Variants in STK26 observed in about 807,000 individuals in gnomAD.
The protein encoded by STK26 is serine/threonine-protein kinase 26.
A neutral mutation model predicts 34.7 loss-of-function variants in STK26; 14 were observed. The ratio of observed to expected loss-of-function variants is 0.40; its 90% CI spans 0.27 to 0.63. STK26 has a LOEUF of 0.63. Ranked by LOEUF, STK26 falls within the 30% of genes least tolerant of loss-of-function variation. The pLI is 0.38. For synonymous variants in STK26, 100 were observed against 109.8 expected (o/e 0.91, Z 0.56); for missense variants, 226 against 309.1 (o/e 0.73, Z 2.02).
In STK26 at chrX:132,062,372, T is replaced by C. The variant is rs1927081387; in HGVS notation, c.274-1061T>C. ...GTTTAACTGATGGTACTGAATGGTA[T>C]GTGTGTGTGTACACCTGTTTTAGAA... On this transcript the variant is annotated intron_variant, in intron 3 of 11. Coordinates refer to ENST00000394334, the MANE Select transcript of STK26 (RefSeq NM_016542.4). Among the ~76,000 whole-genome samples, 3 of 112,375 alleles carry C rather than the reference T, an allele frequency of 2.7e-5. No homozygotes were observed. The South Asian group carries it at 1.1e-3, about 41-fold the overall frequency.
intron 2 of STK26, among the ~76,000 whole-genome samples, chrX:132,044,066 C>G (rs1317988378): frequency 9.0e-6 from 1 of 111,454 alleles, no homozygotes; most frequent in African/African-American, 3.3e-5. Flanking sequence ...AGTCAGAAGT[C>G]AAGTTGCAAA....
At chrX:132,071,412 T>G (rs5975314) in intron 8 of STK26, among the ~76,000 whole-genome samples, 195 bp downstream of exon 8, 7,107 of 111,993 alleles carry the variant, frequency 0.063, 234 homozygotes, top group African/African-American at 0.12. Flanking sequence ...TTCTTGGAAG[T>G]GAATAGCTCT....
chrX:132,024,315 G>A (rs1935050963), intron 2 of STK26, among the ~76,000 whole-genome samples: 1 of 111,499 alleles, frequency 9.0e-6, no homozygotes, highest in Non-Finnish European at 1.9e-5. Context: ...CCCACAAGAT[G>A]ACTGTTACAT....
At chrX:132,034,526 C>T (rs1409977911) in intron 2 of STK26, among the ~76,000 whole-genome samples, 1 of 109,763 alleles carries the variant, frequency 9.1e-6, no homozygotes, top group African/African-American at 3.3e-5. Flanking sequence ...GATCTCCTGA[C>T]CTCGTGGTCC....
intron 3 of STK26, among the ~76,000 whole-genome samples, chrX:132,058,254 A>ATGTGTG (rs754196913): frequency 4.4e-4 from 45 of 103,064 alleles, no homozygotes; most frequent in African/African-American, 1.5e-3. Flanking sequence ...GTGTGTGTGT[A>ATGTGTG]TGTGTGTGTG....
intron 2 of STK26, among the ~76,000 whole-genome samples, chrX:132,038,830 C>T (rs186960108): frequency 8.9e-4 from 99 of 110,969 alleles, no homozygotes; most frequent in Non-Finnish European, 7.4e-4. Flanking sequence ...CTCATATATA[C>T]TCTAAAATAA....
Position 132,074,106 on chromosome X carries a change from T to C in STK26, c.1227-29T>C, listed in dbSNP as rs1019235499. 2.6e-6 allele frequency: 3 copies of C among 1,175,775 alleles called. No individual in the cohort carries two copies. The Admixed American group carries it at 6.7e-5, about 26-fold the overall frequency. On this transcript the variant is annotated intron_variant, in intron 11 of 11. Coordinates refer to ENST00000394334, the MANE Select transcript of STK26 (RefSeq NM_016542.4). ...AAATATAAACATGCATAGTTGTACATTGGTTTAAATTTTTTAAAAATTTTA... is the reference window on the plus strand; with the variant it reads ...AAATATAAACATGCATAGTTGTACACTGGTTTAAATTTTTTAAAAATTTTA...
intron 2 of STK26, among the ~76,000 whole-genome samples, chrX:132,044,740 G>A: frequency 1.5e-5 from 1 of 66,181 alleles, no homozygotes; most frequent in East Asian, 4.1e-4. Context: ...TATATAGAGA[G>A]ATCTATATAT....
intron 2 of STK26, among the ~76,000 whole-genome samples, chrX:132,043,476 C>A (rs1240055640): frequency 9.0e-6 from 1 of 111,310 alleles, no homozygotes; most frequent in Non-Finnish European, 1.9e-5. Context: ...CCTTTTCCCC[C>A]TTTCCAAATG....
At chrX:132,059,072 T>G (rs1926961188) in intron 3 of STK26, among the ~76,000 whole-genome samples, 1 of 112,043 alleles carries the variant, frequency 8.9e-6, no homozygotes, top group Admixed American at 9.5e-5. Context: ...TGTGTGGGTT[T>G]GTATTTTTTT....
intron 2 of STK26, among the ~76,000 whole-genome samples, chrX:132,027,564 A>C (rs1357898212): frequency 8.9e-6 from 1 of 111,902 alleles, no homozygotes; most frequent in Non-Finnish European, 1.9e-5. Flanking sequence ...GTGCATGCAC[A>C]CACACACACA....
intron 6 of STK26, 24 bp downstream of exon 6, chrX:132,068,593 GT>G (rs1927297477): frequency 8.5e-7 from 1 of 1,180,157 alleles, no homozygotes. Context: ...TGTACAAACT[GT>G]TTTGGGCTTG....
intron 8 of STK26, 122 bp from the exon 9 acceptor site, chrX:132,072,146 G>T: frequency 1.9e-6 from 1 of 523,591 alleles, no homozygotes; most frequent in Admixed American, 3.4e-5. Flanking sequence ...ATGCTTTTTT[G>T]CATCATGAGT....
chrX:132,061,603 A>G (rs1927056565), intron 3 of STK26, among the ~76,000 whole-genome samples: 1 of 111,832 alleles, frequency 8.9e-6, no homozygotes, highest in African/African-American at 3.2e-5. Context: ...TACAAATTCT[A>G]CATAGTGTCA....
intron 2 of STK26, among the ~76,000 whole-genome samples, 173 bp downstream of exon 2, chrX:132,023,832 G>T (rs1420843436): frequency 8.9e-6 from 1 of 112,350 alleles, no homozygotes; most frequent in Admixed American, 9.3e-5. Flanking sequence ...TGGTGTGTAG[G>T]CTAGGTAGTG....
intron 2 of STK26, among the ~76,000 whole-genome samples, chrX:132,029,286 T>C (rs780358071): frequency 8.9e-6 from 1 of 112,204 alleles, no homozygotes; most frequent in Admixed American, 9.4e-5. Flanking sequence ...TTTTTTATTC[T>C]GCTTTTCATA....
Position 132,030,343 on chromosome X carries a change from C to T in STK26, c.42+6684C>T, listed in dbSNP as rs749499765. Reference sequence around the variant, plus strand: ...TCTCCTTCCTTCTACTTGTACTTTCCCATGACTCTTCAGGGTCCTCTCACT... The same window carrying T: ...TCTCCTTCCTTCTACTTGTACTTTCTCATGACTCTTCAGGGTCCTCTCACT... On this transcript the variant is annotated intron_variant, in intron 2 of 11. Transcript: ENST00000394334. Among the ~76,000 whole-genome samples, 3 of 110,089 alleles carry T rather than the reference C, an allele frequency of 2.7e-5. No individual in the cohort carries two copies. In the East Asian group the frequency reaches 8.5e-4, roughly 31 times the overall value.
chrX:132,054,969 G>C, intron 3 of STK26, 108 bp downstream of exon 3: 1 of 683,723 alleles, frequency 1.5e-6, no homozygotes, highest in Non-Finnish European at 2.1e-6. Flanking sequence ...GCAGTCTATG[G>C]CTTCCAGGCA....
intron 2 of STK26, among the ~76,000 whole-genome samples, chrX:132,042,800 T>C (rs1926313985): frequency 9.0e-6 from 1 of 111,706 alleles, no homozygotes; most frequent in African/African-American, 3.2e-5. Flanking sequence ...GATGCCATCA[T>C]GCCATCAGTA....
Sources: allele counts gnomAD v4.1 joint callset (sites outside exome capture counted in the v4.1 genomes callset), GRCh38; gene constraint gnomAD v4.1.1; transcripts MANE v1.5; gene names NCBI Gene and HGNC (gene_info 2026-07-23, HGNC 2026-07-21).